ERP44: variants seen among roughly 807,000 people sequenced by gnomAD.
The protein encoded by ERP44 is endoplasmic reticulum resident protein 44.
In ERP44, 25 loss-of-function variants were observed where a neutral mutation model predicts 53.4. The observed-to-expected ratio is 0.47, with a 90% confidence interval of 0.34 to 0.65. The LOEUF (loss-of-function observed/expected upper bound fraction) is 0.65. ERP44 is among the 30% of genes least tolerant of loss of function. The pLI is 0.01. For missense variants in ERP44, 338 were observed against 493.2 expected, an observed-to-expected ratio of 0.69 and a Z score of 2.98; for synonymous variants, 145 against 161.2, an observed-to-expected ratio of 0.90 and a Z score of 0.76.
chr9:100,060,522 G>T (rs1826134676), intron 1 of ERP44, among the ~76,000 whole-genome samples: 1 of 152,132 alleles, frequency 6.6e-6, no homozygotes, highest in African/African-American at 2.4e-5. Context: ...AGTGTTTAAA[G>T]TATAAACATA....
chr9:100,071,790 G>A (rs537143457), intron 1 of ERP44, among the ~76,000 whole-genome samples: 4 of 152,070 alleles, frequency 2.6e-5, no homozygotes, highest in South Asian at 2.1e-4. Flanking sequence ...GCGTGGTTGC[G>A]GATGCCTGTA....
chr9:100,011,938 T>A (rs1013937717), intron 8 of ERP44, among the ~76,000 whole-genome samples: 4 of 152,176 alleles, frequency 2.6e-5, no homozygotes, highest in Non-Finnish European at 5.9e-5. Context: ...CGCTGCAGCA[T>A]CCCTAATCTA....
chr9:100,068,952 ATTC>A (rs1470308171), intron 1 of ERP44, among the ~76,000 whole-genome samples: 1 of 152,224 alleles, frequency 6.6e-6, no homozygotes, highest in Non-Finnish European at 1.5e-5. Context: ...ACTAAGAAAA[ATTC>A]TTCTGCCGTG....
At chr9:100,055,116 A>G (rs1023559849) in intron 3 of ERP44, among the ~76,000 whole-genome samples, 4 of 152,132 alleles carry the variant, frequency 2.6e-5, no homozygotes, top group Admixed American at 2.6e-4. Flanking sequence ...CAATTCCTCA[A>G]CCTAAAAGGA....
intron 1 of ERP44, among the ~76,000 whole-genome samples, chr9:100,066,757 G>C (rs981093224): frequency 2.6e-5 from 4 of 152,174 alleles, no homozygotes; most frequent in African/African-American, 4.8e-5. Flanking sequence ...CATTAAGCTC[G>C]CAGATAAGAG....
At chr9:100,031,865 C>G (rs1825794426) in intron 4 of ERP44, among the ~76,000 whole-genome samples, 1 of 152,142 alleles carries the variant, frequency 6.6e-6, no homozygotes, top group Non-Finnish European at 1.5e-5. Context: ...CTCTCAAAAT[C>G]TAAGGTTCTG....
rs893188814 is a variant in ERP44, at chr9:100,067,168, GCTCTCCCTCTCC to G, written c.58-7008_58-6997del. Among the ~76,000 whole-genome samples the G allele has an allele frequency of 4.8e-5, 7 of 146,824 alleles. No individual in the cohort carries two copies. In the East Asian group the frequency reaches 5.8e-4, roughly 12 times the overall value. ...CGCTCTCGCTCTCGCTCTCCCTCTC[GCTCTCCCTCTCC>G]CTCTCCCTCTCCCCACGGTCTCCCT... On this transcript the variant is annotated intron_variant, in intron 1 of 11. Transcript: ENST00000262455.
chr9:99,995,908 C>T (rs1830304517), intron 10 of ERP44, among the ~76,000 whole-genome samples: 1 of 144,248 alleles, frequency 6.9e-6, no homozygotes, highest in Admixed American at 6.9e-5. Flanking sequence ...ATTGCTGGAT[C>T]ATAGGGTAGT....
chr9:99,998,934 T>C (rs2118620571), intron 10 of ERP44: 2 of 1,594,530 alleles, frequency 1.3e-6, no homozygotes. Context: ...CTTCTCTTCC[T>C]CCACACAGTA....
chr9:100,053,879 C>T (rs145887210), intron 3 of ERP44, among the ~76,000 whole-genome samples: 5 of 152,292 alleles, frequency 3.3e-5, no homozygotes, highest in African/African-American at 9.6e-5. Context: ...ACCAAATTTA[C>T]TTAAATGATG....
chr9:100,034,929 C>A (rs565684656), intron 4 of ERP44, among the ~76,000 whole-genome samples: 1 of 152,258 alleles, frequency 6.6e-6, no homozygotes, highest in Non-Finnish European at 1.5e-5. Context: ...CACACACTTA[C>A]AACCACCTGA....
intron 8 of ERP44, 66 bp downstream of exon 8, chr9:100,016,256 G>A: frequency 6.5e-7 from 1 of 1,534,540 alleles, no homozygotes; most frequent in Non-Finnish European, 8.7e-7. Flanking sequence ...AGTAAGACAG[G>A]TGGAGGAAGC....
chr9:99,999,161 C>T (rs1026959599), intron 10 of ERP44: 12 of 548,320 alleles, frequency 2.2e-5, no homozygotes, highest in South Asian at 4.1e-5. Context: ...AGGGCTCCGC[C>T]CCCCGACCCT....
intron 4 of ERP44, among the ~76,000 whole-genome samples, chr9:100,039,318 T>G (rs749369968): frequency 1.4e-4 from 21 of 152,200 alleles, no homozygotes; most frequent in South Asian, 2.1e-4. Flanking sequence ...TTCAAAAAAA[T>G]TGAAATTATC....
intron 4 of ERP44, among the ~76,000 whole-genome samples, chr9:100,050,534 T>G (rs1268732307): frequency 6.6e-6 from 1 of 152,204 alleles, no homozygotes; most frequent in African/African-American, 2.4e-5. Context: ...TACAATCTAA[T>G]TGGCACATAA....
At chr9:100,057,728 T>C (rs1472514697) in intron 3 of ERP44, 92 bp downstream of exon 3, 1 of 909,302 alleles carries the variant, frequency 1.1e-6, no homozygotes, top group Non-Finnish European at 1.8e-6. Context: ...TGTCTTGAAA[T>C]AGAAAAAGCC....
At chr9:100,097,898 T>A (rs1826664465) in intron 1 of ERP44, among the ~76,000 whole-genome samples, 1 of 152,222 alleles carries the variant, frequency 6.6e-6, no homozygotes, top group Non-Finnish European at 1.5e-5. Flanking sequence ...AATCTGAATT[T>A]CTAAAAATCT....
Position 100,016,435 on chromosome 9 carries a change from A to G in ERP44, c.649T>C (p.Ser217Pro), listed in dbSNP as rs1361789042. 3 of 1,599,164 alleles carry G rather than the reference A, an allele frequency of 1.9e-6. No homozygotes were observed. Among genetic ancestry groups the G allele is most frequent in the Non-Finnish European group, 2.6e-6 (3 of 1,176,004 alleles). ...CCCAAGTACACCATATCCGGAGCAG[A>G]ATGCTATTACAAAACAGAAAAAAAA... ...DNIIYKPPGH[S>P]APDMVYLGAM... is the part of the protein sequence containing the mutation. The change falls in exon 8 of 12, where the codon TCT (serine) becomes CCT (proline). Residue 217 changes from serine to proline, a missense_variant. Physicochemically the swap from Ser to Pro is moderately conservative, Grantham distance 74. Transcript: ENST00000262455.
At chr9:99,997,337 G>T (rs1830323059) in intron 10 of ERP44, among the ~76,000 whole-genome samples, 1 of 152,108 alleles carries the variant, frequency 6.6e-6, no homozygotes, top group Admixed American at 6.6e-5. Context: ...CATTCTTGCA[G>T]AAATAAGGTG....
Sources: gnomAD v4.1 joint callset for allele counts (sites outside exome capture counted in the v4.1 genomes callset) on GRCh38, gnomAD v4.1.1 for gene constraint, MANE v1.5 for transcripts, NCBI Gene and HGNC (gene_info 2026-07-23, HGNC 2026-07-21) for gene names.